SHC4: variants seen among roughly 807,000 people sequenced by gnomAD.
The protein encoded by SHC4 is SHC-transforming protein 4.
In SHC4, 41 loss-of-function variants were observed where a neutral mutation model predicts 69.4. That is an observed-to-expected ratio of 0.59 (90% CI 0.46 to 0.77). The LOEUF is 0.77. SHC4 is among the 30% of genes least tolerant of loss of function. The probability of loss-of-function intolerance (pLI) is 0.00; values close to 1 mark genes in which losing one functional copy is unlikely to be tolerated. For synonymous variants in SHC4, 318 were observed against 299.3 expected (o/e 1.06, Z -0.64); for missense variants, 777 against 783.8 (o/e 0.99, Z 0.10).
chr15:48,920,718 C>T (rs1900736788), intron 2 of SHC4, among the ~76,000 whole-genome samples: 1 of 152,074 alleles, frequency 6.6e-6, no homozygotes, highest in Non-Finnish European at 1.5e-5. Context: ...GATCCTAATT[C>T]TAGAATTTGT....
intron 1 of SHC4, among the ~76,000 whole-genome samples, chr15:48,943,983 G>A (rs958309688): frequency 2.0e-5 from 3 of 151,974 alleles, no homozygotes; most frequent in Non-Finnish European, 2.9e-5. Context: ...AAGAGGGAAC[G>A]GAAAAGGAAC....
chr15:48,936,669 T>A (rs948114269), intron 1 of SHC4, among the ~76,000 whole-genome samples: 1 of 152,178 alleles, frequency 6.6e-6, no homozygotes, highest in African/African-American at 2.4e-5. Context: ...CCTCTTTTCT[T>A]TATTAATGAC....
At chr15:48,900,788 T>A (rs1900307415) in intron 2 of SHC4, among the ~76,000 whole-genome samples, 1 of 152,156 alleles carries the variant, frequency 6.6e-6, no homozygotes. Flanking sequence ...AGACTGGGTC[T>A]CAGCTCCAGA....
At position 48,848,650 on chromosome 15, in the gene SHC4, A is replaced by C. The variant is rs544912008; in HGVS notation, c.1303+2538T>G. Among the ~76,000 whole-genome samples the C allele has an allele frequency of 5.9e-5, 9 of 152,330 alleles. No homozygotes were observed. In the East Asian group the frequency reaches 1.7e-3, roughly 29 times the overall value. ...TGAATCTTCTTATAGTGGCTTAGGGAAATATATATGTAAATAAGAATAAGG... is the reference window on the plus strand; with the variant it reads ...TGAATCTTCTTATAGTGGCTTAGGGCAATATATATGTAAATAAGAATAAGG... On this transcript the variant is annotated intron_variant, in intron 9 of 11. Transcript: ENST00000332408.
intron 3 of SHC4, among the ~76,000 whole-genome samples, chr15:48,888,336 T>C (rs916842163): frequency 6.6e-6 from 1 of 152,142 alleles, no homozygotes; most frequent in Non-Finnish European, 1.5e-5. Flanking sequence ...CTTGAGGACA[T>C]TATGCTAAGT....
At chr15:48,846,675 C>T (rs1899099372) in intron 9 of SHC4, among the ~76,000 whole-genome samples, 1 of 152,280 alleles carries the variant, frequency 6.6e-6, no homozygotes, top group East Asian at 1.9e-4. Context: ...TAGAACGCAT[C>T]CAATTTGTGT....
intron 9 of SHC4, 116 bp downstream of exon 9, chr15:48,851,072 G>A (rs1595731791): frequency 1.1e-6 from 1 of 911,322 alleles, no homozygotes; most frequent in East Asian, 2.6e-5. Flanking sequence ...AGGATTATGT[G>A]TTTAGTGGTA....
intron 2 of SHC4, among the ~76,000 whole-genome samples, chr15:48,900,426 G>C (rs533564646): frequency 2.3e-4 from 35 of 151,786 alleles, no homozygotes; most frequent in Non-Finnish European, 4.1e-4. Flanking sequence ...AGAATCTCTT[G>C]AACCTGGGAG....
intron 2 of SHC4, among the ~76,000 whole-genome samples, chr15:48,909,129 T>A (rs79470811): frequency 6.6e-6 from 1 of 152,224 alleles, no homozygotes; most frequent in Non-Finnish European, 1.5e-5. Flanking sequence ...ATTTGTAGAT[T>A]GCTTTTGGCA....
chr15:48,957,777 C>G (rs1901479188), intron 1 of SHC4, among the ~76,000 whole-genome samples: 1 of 152,140 alleles, frequency 6.6e-6, no homozygotes. Flanking sequence ...TTGCAAATGT[C>G]ATCAAATAAA....
chr15:48,906,742 G>T (rs146979085), intron 2 of SHC4, among the ~76,000 whole-genome samples: 8 of 152,272 alleles, frequency 5.3e-5, no homozygotes, highest in African/African-American at 1.9e-4. Flanking sequence ...TGCTCCTCAG[G>T]TTCCATGAGC....
chr15:48,825,944 T>C lies in SHC4; in HGVS notation c.*27A>G. On this transcript the variant is annotated 3_prime_UTR_variant, in exon 12 of 12. Coordinates refer to ENST00000332408, the MANE Select transcript of SHC4 (RefSeq NM_203349.4). ...TAATACAAAATGGGGTTTCTTGAAA[T>C]ATCAGTGTGATGGTGCTTCAATACT... 2 of 1,599,858 alleles carry C rather than the reference T, an allele frequency of 1.3e-6. No individual in the cohort carries two copies. The highest frequency in any genetic ancestry group is 4.5e-5 in the East Asian group (2 of 44,698).
chr15:48,952,292 T>C (rs549775140), intron 1 of SHC4, among the ~76,000 whole-genome samples: 2 of 152,320 alleles, frequency 1.3e-5, no homozygotes, highest in East Asian at 1.9e-4. Flanking sequence ...CATGGGTTTT[T>C]CAACTGGAAT....
At chr15:48,854,027 G>C (rs773982605) in intron 8 of SHC4, among the ~76,000 whole-genome samples, 2 of 152,100 alleles carry the variant, frequency 1.3e-5, no homozygotes, top group Non-Finnish European at 2.9e-5. Context: ...TATCAACAGA[G>C]TAAACAGACA....
At chr15:48,871,583 G>A (rs536286628) in intron 5 of SHC4, among the ~76,000 whole-genome samples, 8 of 152,272 alleles carry the variant, frequency 5.3e-5, no homozygotes, top group African/African-American at 1.9e-4. Context: ...TGGTAGAGAA[G>A]AACTACAAGT....
At chr15:48,941,051 G>C (rs530565968) in intron 1 of SHC4, among the ~76,000 whole-genome samples, 2 of 152,318 alleles carry the variant, frequency 1.3e-5, no homozygotes, top group South Asian at 4.1e-4. Context: ...AGGGACCTTA[G>C]AGATGATCCA....
intron 10 of SHC4, among the ~76,000 whole-genome samples, chr15:48,835,690 A>G (rs892695015): frequency 3.3e-5 from 5 of 152,152 alleles, no homozygotes; most frequent in African/African-American, 1.2e-4. Context: ...GCTGCTGAAT[A>G]AGTGTTGTCC....
At chr15:48,930,000 C>A (rs937242809) in intron 1 of SHC4, among the ~76,000 whole-genome samples, 4 of 152,074 alleles carry the variant, frequency 2.6e-5, no homozygotes, top group Non-Finnish European at 5.9e-5. Flanking sequence ...CTTTGCTCTC[C>A]AGAGAAGAAA....
chr15:48,829,864 A>T (rs1898764171), intron 11 of SHC4, among the ~76,000 whole-genome samples: 2 of 152,236 alleles, frequency 1.3e-5, no homozygotes, highest in South Asian at 4.1e-4. Flanking sequence ...GGTTGTAGTG[A>T]GCTGAGATTG....
Sources: allele counts gnomAD v4.1 joint callset (sites outside exome capture counted in the v4.1 genomes callset), GRCh38; gene constraint gnomAD v4.1.1; transcripts MANE v1.5; gene names NCBI Gene and HGNC (gene_info 2026-07-23, HGNC 2026-07-21).